COLGALT2: variants seen among roughly 807,000 people sequenced by gnomAD.
COLGALT2 encodes procollagen galactosyltransferase 2.
A neutral mutation model predicts 73.4 loss-of-function variants in COLGALT2; 49 were observed. That is an observed-to-expected ratio of 0.67 (90% CI 0.53 to 0.85). The LOEUF (loss-of-function observed/expected upper bound fraction) is 0.85, where lower values mean the gene tolerates loss of function less well. Ranked by LOEUF, COLGALT2 falls within the 40% of genes least tolerant of loss-of-function variation. The pLI is 0.00. For missense variants in COLGALT2, 722 were observed against 790.2 expected (o/e 0.91, Z 1.03); for synonymous variants, 295 against 307.6 (o/e 0.96, Z 0.43).
intron 1 of COLGALT2, among the ~76,000 whole-genome samples, chr1:183,986,392 C>T (rs916896553): frequency 6.6e-6 from 1 of 152,172 alleles, no homozygotes; most frequent in African/African-American, 2.4e-5. Context: ...ACTTCCTCAA[C>T]ATCCCTCCTC....
chr1:183,936,630 TCATGCACA>T lies in COLGALT2; in HGVS notation c.*2123_*2130del. 2 of 1,208,698 alleles carry T rather than the reference TCATGCACA, an allele frequency of 1.7e-6. No individual in the cohort carries two copies. Among genetic ancestry groups the T allele is most frequent in the Non-Finnish European group, 1.0e-6 (1 of 974,210 alleles). The allele number at this position is 1,208,698 out of a possible 1,614,324, so 74.9% of individuals were successfully genotyped here. ...CACCCCATTAAAAAAGTCATTAAAG[TCATGCACA>T]CATGCACACACTCAAATATGAAAAC... On this transcript the variant is annotated 3_prime_UTR_variant, in exon 12 of 12. Coordinates refer to ENST00000361927, the MANE Select transcript of COLGALT2 (RefSeq NM_015101.4).
chr1:183,963,495 A>C (rs769968477), intron 6 of COLGALT2, among the ~76,000 whole-genome samples: 4 of 152,162 alleles, frequency 2.6e-5, no homozygotes, highest in Non-Finnish European at 4.4e-5. Flanking sequence ...GCCTTTTTAC[A>C]TATACCATAA....
chr1:183,978,630 A>G (rs971759431), intron 1 of COLGALT2, 110 bp from the exon 2 acceptor site: 15 of 594,322 alleles, frequency 2.5e-5, no homozygotes, highest in African/African-American at 2.5e-4. Context: ...CTGGAAAAAA[A>G]ATTGTATATA....
At chr1:184,004,409 T>C (rs1251911394) in intron 1 of COLGALT2, among the ~76,000 whole-genome samples, 1 of 152,174 alleles carries the variant, frequency 6.6e-6, no homozygotes, top group African/African-American at 2.4e-5. Flanking sequence ...CCAAATAATA[T>C]CAGAAATATG....
chr1:184,035,899 C>T lies in COLGALT2; in HGVS notation c.263+1196G>A, dbSNP rs559796663. ...GTATATAGTAAAGCAGTGTACAGCA[C>T]AGAGCTGTACTATATCACATGTTTG... On this transcript the variant is annotated intron_variant, in intron 1 of 11. Transcript: ENST00000361927. 2.6e-5 allele frequency among the ~76,000 whole-genome samples: 4 copies of T among 152,342 alleles called. No homozygotes were observed. The East Asian group carries it at 7.7e-4, about 29-fold the overall frequency.
At chr1:183,955,588 GCTTC>G (rs1166762326) in intron 6 of COLGALT2, among the ~76,000 whole-genome samples, 1 of 152,032 alleles carries the variant, frequency 6.6e-6, no homozygotes, top group Non-Finnish European at 1.5e-5. Context: ...CTCTAAAAAA[GCTTC>G]CTTTGCAAAC....
intron 1 of COLGALT2, among the ~76,000 whole-genome samples, chr1:184,005,488 C>A (rs1389152878): frequency 6.6e-6 from 1 of 152,094 alleles, no homozygotes; most frequent in Non-Finnish European, 1.5e-5. Context: ...TCTCTAAGGC[C>A]CAGACAACTG....
chr1:183,984,741 T>G (rs765451814), intron 1 of COLGALT2, among the ~76,000 whole-genome samples: 2 of 152,236 alleles, frequency 1.3e-5, no homozygotes, highest in Non-Finnish European at 2.9e-5. Context: ...CCTCTGATTC[T>G]GCTTTTGGTT....
At chr1:183,947,607 G>A (rs1390267814) in intron 8 of COLGALT2, among the ~76,000 whole-genome samples, 1 of 152,056 alleles carries the variant, frequency 6.6e-6, no homozygotes, top group Non-Finnish European at 1.5e-5. Context: ...CATAGTACTT[G>A]GAGATATAGT....
rs6663619 is a variant in COLGALT2 at position 183,993,586 on chromosome 1, T to C, written c.264-15066A>G. Reference sequence around the variant, plus strand: ...ACCCAATGACTCCCTGAGGAACAAGTAGACCAAAGGGCAGCTCTGAACACC... The same window carrying C: ...ACCCAATGACTCCCTGAGGAACAAGCAGACCAAAGGGCAGCTCTGAACACC... On this transcript the variant is annotated intron_variant, in intron 1 of 11. Transcript: ENST00000361927. Among the ~76,000 whole-genome samples, 5 of 152,228 alleles carry C rather than the reference T, an allele frequency of 3.3e-5. No homozygotes were observed. The East Asian group carries it at 9.7e-4, about 29-fold the overall frequency.
chr1:183,978,345 C>A, intron 2 of COLGALT2, 65 bp downstream of exon 2: 1 of 857,762 alleles, frequency 1.2e-6, no homozygotes. Flanking sequence ...ACCTGGAAGC[C>A]CTAAAGAGCT....
intron 1 of COLGALT2, among the ~76,000 whole-genome samples, chr1:183,987,348 C>T (rs183762422): frequency 7.2e-5 from 11 of 151,924 alleles, no homozygotes; most frequent in African/African-American, 2.7e-4. Flanking sequence ...GTGGATGTAC[C>T]CTGAAGACAT....
chr1:183,942,468 C>T (rs730601), intron 10 of COLGALT2, among the ~76,000 whole-genome samples: 35,354 of 151,730 alleles, frequency 0.23, 4,394 homozygotes, highest in Non-Finnish European at 0.27. Context: ...TTATTTTTAC[C>T]TTTTTAATGT....
At chr1:183,930,504 T>G (rs1669820210) in intron 11 of COLGALT2, among the ~76,000 whole-genome samples, 1 of 151,332 alleles carries the variant, frequency 6.6e-6, no homozygotes, top group Non-Finnish European at 1.5e-5. Context: ...TTCTCCAACC[T>G]CAGCCTCATG....
rs753077016 is a variant in COLGALT2, at chr1:183,939,075, G to A, written c.1605-38C>T. On this transcript the variant is annotated intron_variant, in intron 11 of 11. Coordinates refer to ENST00000361927, the MANE Select transcript of COLGALT2 (RefSeq NM_015101.4). Reference sequence around the variant, plus strand: ...AGGTGGCCGGACACATGAGGGGGCGGAAAGGAGACTTACGGAACAGGGACA... The same window carrying A: ...AGGTGGCCGGACACATGAGGGGGCGAAAAGGAGACTTACGGAACAGGGACA... The A allele has an allele frequency of 5.9e-6, 9 of 1,532,940 alleles. No individual in the cohort carries two copies. The African/African-American group carries it at 1.1e-4, about 19-fold the overall frequency. 95.0% of individuals were successfully genotyped at this position (1,532,940 alleles called of 1,614,324 possible).
chr1:184,009,250 G>T (rs1365738174), intron 1 of COLGALT2, among the ~76,000 whole-genome samples: 2 of 152,146 alleles, frequency 1.3e-5, no homozygotes, highest in Non-Finnish European at 2.9e-5. Flanking sequence ...AACATGATTT[G>T]TTAAATGTGA....
rs538341107 is a variant in COLGALT2 at position 184,005,013 on chromosome 1, G to A, written c.264-26493C>T. 3.9e-4 allele frequency among the ~76,000 whole-genome samples: 59 copies of A among 152,326 alleles called. No homozygotes were observed. The South Asian group carries it at 7.5e-3, about 19-fold the overall frequency. ...GAAAGCTGTCATTTCTTTTAACAAG[G>A]AATAGAAACTGGGGCCAGGAGGCCC... is the stretch of plus-strand genomic sequence containing the variant. On this transcript the variant is annotated intron_variant, in intron 1 of 11. Transcript: ENST00000361927.
intron 1 of COLGALT2, among the ~76,000 whole-genome samples, chr1:184,007,599 A>G (rs1672119966): frequency 6.6e-6 from 1 of 152,222 alleles, no homozygotes; most frequent in Admixed American, 6.5e-5. Flanking sequence ...ATCTGTGGGT[A>G]GGTCTTGCCC....
At chr1:183,960,172 ATTC>A (rs139128018) in intron 6 of COLGALT2, among the ~76,000 whole-genome samples, 1,906 of 151,462 alleles carry the variant, frequency 0.013, 42 homozygotes, top group African/African-American at 0.044. Flanking sequence ...TAAGATAGGA[ATTC>A]TTCTTTAGCT....
Sources: allele counts gnomAD v4.1 joint callset (sites outside exome capture counted in the v4.1 genomes callset), GRCh38; gene constraint gnomAD v4.1.1; transcripts MANE v1.5; gene names NCBI Gene and HGNC (gene_info 2026-07-23, HGNC 2026-07-21).